SI: variants seen among roughly 807,000 people sequenced by gnomAD.
SI encodes the protein sucrase-isomaltase.
A neutral mutation model predicts 253.3 loss-of-function variants in SI; 235 were observed. That is an observed-to-expected ratio of 0.93 (90% CI 0.83 to 1.03). SI has a LOEUF of 1.03. SI is among the 50% of genes least tolerant of loss of function. The probability of loss-of-function intolerance (pLI) is 0.00; values close to 1 mark genes in which losing one functional copy is unlikely to be tolerated. For synonymous variants in SI, 819 were observed against 712.0 expected (o/e 1.15, Z -2.39); for missense variants, 2,442 against 2,211.1 (o/e 1.10, Z -2.09).
At position 165,063,461 on chromosome 3, in the gene SI, TA is replaced by T. The variant is rs769103567; in HGVS notation, c.887del (p.Leu296Ter). 1.1e-5 allele frequency: 17 copies of T among 1,520,776 alleles called. No homozygotes were observed. Among genetic ancestry groups the T allele is most frequent in the East Asian group, 2.3e-5 (1 of 44,084 alleles). The allele number at this position is 1,520,776 out of a possible 1,614,324, so 94.2% of individuals were successfully genotyped here. ...TCTTACCCATTGCATTGCTATTCAT[TA>T]AAAAAACACCGAATGACTTTCCAGA... is the stretch of plus-strand genomic sequence containing the variant. Reference protein sequence around the residue: ...DTSGKSFGVFLMNSNAMEIFI... With the variant: ...DTSGKSFGVFXMNSNAMEIFI... On this transcript the variant is annotated frameshift_variant, in exon 8 of 48. Transcript: ENST00000264382. LOFTEE classifies it high-confidence loss of function.
At chr3:165,086,308 A>G in the SI span, among the ~76,000 whole-genome samples, 8 of 152,108 alleles carry the variant, frequency 5.3e-5, no homozygotes, top group Admixed American at 1.3e-4. Flanking sequence ...GTCACCCATA[A>G]TACATGAACC....
At position 164,982,299 on chromosome 3, in the gene SI, G is replaced by C. The variant is rs1559974725; in HGVS notation, c.5359C>G (p.Leu1787Val). Residue 1787 changes from leucine to valine, a missense_variant, in exon 47 of 48, where the codon CTA (leucine) becomes GTA (valine). Leu to Val is a conservative substitution (Grantham distance 32). Transcript: ENST00000264382. Reference protein sequence around the residue: ...KGTTPVNAVTLTYNGNKNSLP... With the variant: ...KGTTPVNAVTVTYNGNKNSLP... ...GAATTTTTATTTCCGTTATACGTTA[G>C]AGTAACTGCATTGACAGGAGTAGTT... 1 of 1,613,096 alleles carries C rather than the reference G, an allele frequency of 6.2e-7. No homozygotes were observed. The highest frequency in any genetic ancestry group is 1.7e-4 in the Middle Eastern group (1 of 6,054).
intron 44 of SI, among the ~76,000 whole-genome samples, chr3:164,989,436 G>GGAAA (rs1313318864): frequency 7.1e-6 from 1 of 140,530 alleles, no homozygotes. Context: ...AAGAAAGAAA[G>GGAAA]GAAAGAAAGA....
Position 165,059,040 on chromosome 3 carries a change from A to G in SI, c.1321T>C (p.Tyr441His). The change falls in exon 12 of 48, where the codon TAT (tyrosine) becomes CAT (histidine). Residue 441 changes from tyrosine to histidine, a missense_variant. Physicochemically the swap from Tyr to His is moderately conservative, Grantham distance 83 (BLOSUM62 2). Coordinates refer to ENST00000264382, the MANE Select transcript of SI (RefSeq NM_001041.4). Reference sequence around the variant, plus strand: ...GTGTTTCCCCTCTCATAGGTTGCATATGTTGTTCCATTGGCACGTCGACCT... The same window carrying G: ...GTGTTTCCCCTCTCATAGGTTGCATGTGTTGTTCCATTGGCACGTCGACCT... ...SIGRRANGTT[Y>H]ATYERGNTQH... 1.2e-6 allele frequency: 2 copies of G among 1,612,588 alleles called. No homozygotes were observed. Among genetic ancestry groups the G allele is most frequent in the Non-Finnish European group, 1.7e-6 (2 of 1,179,230 alleles).
At chr3:165,002,624 A>C (rs1339153170) in intron 37 of SI, among the ~76,000 whole-genome samples, 1 of 151,764 alleles carries the variant, frequency 6.6e-6, no homozygotes, top group Non-Finnish European at 1.5e-5. Flanking sequence ...AATGATAAAC[A>C]GAAAGACTTT....
intron 45 of SI, among the ~76,000 whole-genome samples, chr3:164,984,160 G>A (rs1483767807): frequency 1.3e-5 from 2 of 152,076 alleles, no homozygotes; most frequent in South Asian, 4.1e-4. Flanking sequence ...GTGTTTTTAT[G>A]TAAAAAAACA....
intron 34 of SI, among the ~76,000 whole-genome samples, chr3:165,009,866 C>G (rs1718693981): frequency 6.6e-6 from 1 of 152,100 alleles, no homozygotes; most frequent in Non-Finnish European, 1.5e-5. Flanking sequence ...CCCTTCTCAT[C>G]CCAACAGAGA....
rs775553090 is a variant in SI at position 165,055,197 on chromosome 3, C to T, written c.1509G>A (p.Trp503Ter). 1 of 1,583,240 alleles carries T rather than the reference C, an allele frequency of 6.3e-7. No homozygotes were observed. The highest frequency in any genetic ancestry group is 8.7e-7 in the Non-Finnish European group (1 of 1,152,568). Residue 503 changes from tryptophan (W) to a stop codon, truncating the protein, a stop_gained, in exon 13 of 48, where the codon TGG becomes TGA. Coordinates refer to ENST00000264382, the MANE Select transcript of SI (RefSeq NM_001041.4). LOFTEE classifies it high-confidence loss of function. ...TTGGTTTAAAATAGCTACTTACAATCCAAAGTCCATCATATTGCACTTCTT... is the reference window on the plus strand; with the variant it reads ...TTGGTTTAAAATAGCTACTTACAATTCAAAGTCCATCATATTGCACTTCTT... Reference protein sequence around the residue: ...FHQEVQYDGLWIDMNEVSSFI... With the variant: ...FHQEVQYDGL
chr3:164,991,555 A>G, intron 43 of SI, 78 bp from the exon 44 acceptor site: 3 of 1,444,574 alleles, frequency 2.1e-6, no homozygotes, highest in Non-Finnish European at 1.9e-6. Context: ...GAGGATATAC[A>G]TTTTAAAAAA....
chr3:165,077,762 T>C (rs1218751640), intron 1 of SI, among the ~76,000 whole-genome samples: 1 of 151,638 alleles, frequency 6.6e-6, no homozygotes, highest in Non-Finnish European at 1.5e-5. Context: ...AATTGTGCTT[T>C]CCTTTTTGAT....
upstream of SI, among the ~76,000 whole-genome samples, chr3:165,080,539 T>A (rs566661996): frequency 7.4e-4 from 112 of 152,152 alleles, no homozygotes; most frequent in South Asian, 1.4e-3. Context: ...TAAGAAAATG[T>A]GGCTCATATA....
Position 165,016,041 on chromosome 3 carries a change from G to T in SI, c.3799C>A (p.Leu1267Ile). The change falls in exon 32 of 48, where the codon CTA becomes ATA. Residue 1267 changes from leucine to isoleucine, a missense_variant. Coordinates refer to ENST00000264382, the MANE Select transcript of SI (RefSeq NM_001041.4). ...YTDIDYMERQ[L>I]DFTIGEAFQD... ...AATGCTTCACCAATTGTAAAGTCTAGCTGCCTTTCCATGTAGTCAATGTCT... is the reference window on the plus strand; with the variant it reads ...AATGCTTCACCAATTGTAAAGTCTATCTGCCTTTCCATGTAGTCAATGTCT... 6.2e-7 allele frequency: 1 copy of T among 1,612,568 alleles called. No individual in the cohort carries two copies.
intron 13 of SI, among the ~76,000 whole-genome samples, chr3:165,051,178 A>T (rs1713410624): frequency 6.6e-6 from 1 of 152,070 alleles, no homozygotes. Flanking sequence ...ACTCAATATG[A>T]TTATTCATCT....
At chr3:165,006,722 A>G in intron 37 of SI, 94 bp downstream of exon 37, 1 of 1,092,190 alleles carries the variant, frequency 9.2e-7, no homozygotes, top group Admixed American at 1.8e-5. Flanking sequence ...AAAGAGATAC[A>G]AGAGAAGATT....
chr3:165,063,626 T>A (rs918507509), intron 7 of SI, 85 bp from the exon 8 acceptor site: 12 of 659,102 alleles, frequency 1.8e-5, no homozygotes, highest in Non-Finnish European at 3.3e-5. Context: ...CTTCATGAAT[T>A]AATTTGTTGC....
At chr3:164,988,854 G>T (rs6788137) in intron 44 of SI, among the ~76,000 whole-genome samples, 37,476 of 151,994 alleles carry the variant, frequency 0.25, 7,908 homozygotes, top group African/African-American at 0.58. Context: ...TATTGCTGAA[G>T]GAGAGAAACA....
rs1398696817 is a variant in SI, at chr3:164,978,906, C to T, written c.*456G>A. On this transcript the variant is annotated 3_prime_UTR_variant, in exon 48 of 48. Coordinates refer to ENST00000264382, the MANE Select transcript of SI (RefSeq NM_001041.4). ...ACAAAATGCACATTTTATACACTTA[C>T]ATTTTTTATTCTCTTTTTCTAATTA... 1 of 153,018 alleles carries T rather than the reference C, an allele frequency of 6.5e-6. No homozygotes were observed. Among genetic ancestry groups the T allele is most frequent in the Non-Finnish European group, 1.5e-5 (1 of 68,824 alleles). The allele number at this position is 153,018 out of a possible 1,614,324, so 9.5% of individuals were successfully genotyped here.
intron 37 of SI, among the ~76,000 whole-genome samples, chr3:165,002,760 G>A (rs1718313017): frequency 6.6e-6 from 1 of 151,374 alleles, no homozygotes; most frequent in African/African-American, 2.4e-5. Flanking sequence ...GCAGTTTTTT[G>A]TAACTGAAAA....
At chr3:165,039,677 C>T (rs1026253583) in intron 19 of SI, among the ~76,000 whole-genome samples, 6 of 151,560 alleles carry the variant, frequency 4.0e-5, no homozygotes, top group African/African-American at 1.2e-4. Context: ...TTTTCTTGTC[C>T]CCAGTTAGAT....
Sources: gnomAD v4.1 joint callset for allele counts (sites outside exome capture counted in the v4.1 genomes callset) on GRCh38, gnomAD v4.1.1 for gene constraint, MANE v1.5 for transcripts, NCBI Gene and HGNC (gene_info 2026-07-23, HGNC 2026-07-21) for gene names.